SPAG16: variants seen among roughly 807,000 people sequenced by gnomAD.
SPAG16 encodes the protein sperm-associated antigen 16 protein.
A neutral mutation model predicts 80.4 loss-of-function variants in SPAG16; 86 were observed. That is an observed-to-expected ratio of 1.07 (90% CI 0.90 to 1.28). SPAG16 has a LOEUF of 1.28. Ranked by LOEUF, SPAG16 falls within the 50% of genes most tolerant of loss-of-function variation. The pLI is 0.00. For missense variants in SPAG16, 870 were observed against 765.3 expected, an observed-to-expected ratio of 1.14 and a Z score of -1.61; for synonymous variants, 294 against 265.9, an observed-to-expected ratio of 1.11 and a Z score of -1.03.
At position 213,372,541 on chromosome 2, in the gene SPAG16, A is replaced by G. The variant is rs1007618033; in HGVS notation, c.833-2469A>G. On this transcript the variant is annotated intron_variant, in intron 8 of 15. Transcript: ENST00000331683. The stretch of plus-strand genomic sequence containing the variant: ...TTGCTGCTCAGAATTGCATTATGAG[A>G]TGCCAAATTCATGTAATTATTAGAC... Among the ~76,000 whole-genome samples the G allele has an allele frequency of 2.8e-4, 42 of 152,228 alleles. 1 individual carries two copies. The highest frequency in any genetic ancestry group is 2.6e-3 in the Admixed American group (40 of 15,286).
At chr2:213,318,871 TAAAAG>T (rs775853056) in intron 5 of SPAG16, among the ~76,000 whole-genome samples, 20 of 151,880 alleles carry the variant, frequency 1.3e-4, no homozygotes, top group Non-Finnish European at 2.1e-4. Context: ...TCTTCTAACT[TAAAAG>T]AAAATTACTG....
chr2:213,342,177 T>C (rs1191047363), intron 6 of SPAG16, among the ~76,000 whole-genome samples: 2 of 151,668 alleles, frequency 1.3e-5, no homozygotes, highest in Non-Finnish European at 2.9e-5. Flanking sequence ...ACAGTATATA[T>C]AGTTTTGTGT....
At chr2:213,608,799 C>T (rs568250719) in intron 10 of SPAG16, among the ~76,000 whole-genome samples, 58 of 152,350 alleles carry the variant, frequency 3.8e-4, no homozygotes, top group African/African-American at 1.3e-3. Flanking sequence ...CATTCTCCTG[C>T]CTCAGCCTCC....
intron 12 of SPAG16, among the ~76,000 whole-genome samples, chr2:213,991,536 A>G (rs2046280190): frequency 6.6e-6 from 1 of 152,042 alleles, no homozygotes; most frequent in African/African-American, 2.4e-5. Context: ...CCATTTATTC[A>G]TCTGAATCCA....
intron 14 of SPAG16, among the ~76,000 whole-genome samples, chr2:214,132,776 A>T (rs1244804739): frequency 1.3e-5 from 2 of 152,156 alleles, no homozygotes. Context: ...GGTCAAATTT[A>T]CATTTGAGAG....
At chr2:214,306,278 T>A (rs1436755025) in intron 15 of SPAG16, among the ~76,000 whole-genome samples, 2 of 152,146 alleles carry the variant, frequency 1.3e-5, no homozygotes, top group Non-Finnish European at 2.9e-5. Context: ...GCTTTGGGGC[T>A]GAGACTCTGG....
intron 10 of SPAG16, among the ~76,000 whole-genome samples, chr2:213,500,956 G>A (rs558255424): frequency 6.6e-6 from 1 of 152,302 alleles, no homozygotes; most frequent in African/African-American, 2.4e-5. Context: ...ATGTTTTATG[G>A]TATACAAACA....
At chr2:213,443,578 A>G (rs1485901828) in intron 9 of SPAG16, among the ~76,000 whole-genome samples, 1 of 152,040 alleles carries the variant, frequency 6.6e-6, no homozygotes, top group Non-Finnish European at 1.5e-5. Flanking sequence ...TTGTTTCCAT[A>G]TCTTTGTTAT....
chr2:213,356,270 T>A (rs2065645062), intron 7 of SPAG16, among the ~76,000 whole-genome samples: 1 of 152,108 alleles, frequency 6.6e-6, no homozygotes, highest in Non-Finnish European at 1.5e-5. Context: ...ATAAAATGAG[T>A]TAGGGAGGAT....
At chr2:213,776,370 G>C (rs2069575550) in intron 10 of SPAG16, among the ~76,000 whole-genome samples, 1 of 152,190 alleles carries the variant, frequency 6.6e-6, no homozygotes, top group Non-Finnish European at 1.5e-5. Flanking sequence ...GTGATCACTA[G>C]AAGTTGGAAA....
chr2:214,362,516 C>A (rs924258055), intron 15 of SPAG16, among the ~76,000 whole-genome samples: 3 of 151,822 alleles, frequency 2.0e-5, no homozygotes, highest in African/African-American at 7.2e-5. Flanking sequence ...TTTCACAATT[C>A]TTTTTTTCTT....
chr2:213,652,841 A>C (rs1026085794), intron 10 of SPAG16, among the ~76,000 whole-genome samples: 1 of 152,094 alleles, frequency 6.6e-6, no homozygotes, highest in African/African-American at 2.4e-5. Context: ...GGTCTTTTTA[A>C]TCTTGATTAA....
chr2:214,099,066 T>C (rs1481679043), intron 13 of SPAG16, among the ~76,000 whole-genome samples: 1 of 152,110 alleles, frequency 6.6e-6, no homozygotes, highest in East Asian at 1.9e-4. Flanking sequence ...TACTTGTCAT[T>C]GATTAATTAG....
At chr2:213,420,992 G>T (rs561032173) in intron 9 of SPAG16, among the ~76,000 whole-genome samples, 130 of 152,326 alleles carry the variant, frequency 8.5e-4, no homozygotes, top group African/African-American at 3.0e-3. Context: ...GGCCAGGGCT[G>T]CAGGAGAGTC....
intron 10 of SPAG16, among the ~76,000 whole-genome samples, chr2:213,802,926 G>A (rs1468307805): frequency 6.6e-6 from 1 of 151,836 alleles, no homozygotes; most frequent in East Asian, 1.9e-4. Context: ...TATAGAAGAA[G>A]ATAAAAATTA....
intron 10 of SPAG16, among the ~76,000 whole-genome samples, chr2:213,842,520 TA>T (rs1255391486): frequency 1.3e-5 from 2 of 152,128 alleles, no homozygotes; most frequent in Non-Finnish European, 2.9e-5. Flanking sequence ...TGAATTTTTT[TA>T]AAAAAATAGG....
Position 213,944,907 on chromosome 2 carries a change from G to A in SPAG16, c.1400+14762G>A, listed in dbSNP as rs771292733. ...AAATAAATTAGCCGGGCGTGGGGGC[G>A]TGCACCTGTAATCCCAGCTACTTGG... On this transcript the variant is annotated intron_variant, in intron 12 of 15. Transcript: ENST00000331683. Among the ~76,000 whole-genome samples the A allele has an allele frequency of 3.5e-4, 53 of 152,062 alleles. 1 individual carries two copies. Among genetic ancestry groups the A allele is most frequent in the South Asian group, 8.3e-4 (4 of 4,812 alleles).
At chr2:214,071,217 G>A (rs908773787) in intron 13 of SPAG16, among the ~76,000 whole-genome samples, 19 of 152,196 alleles carry the variant, frequency 1.2e-4, no homozygotes, top group Admixed American at 8.5e-4. Flanking sequence ...ATACAGCTAG[G>A]AAGATCTTCA....
chr2:213,715,615 T>G (rs541862998), intron 10 of SPAG16, among the ~76,000 whole-genome samples: 1 of 152,170 alleles, frequency 6.6e-6, no homozygotes, highest in Non-Finnish European at 1.5e-5. Context: ...ATGATTCTTG[T>G]GAAGAGATTA....
Sources: allele counts gnomAD v4.1 joint callset (sites outside exome capture counted in the v4.1 genomes callset), GRCh38; gene constraint gnomAD v4.1.1; transcripts MANE v1.5; gene names NCBI Gene and HGNC (gene_info 2026-07-23, HGNC 2026-07-21).